VWA3B: variants seen among roughly 807,000 people sequenced by gnomAD.
The protein encoded by VWA3B is von Willebrand factor A domain-containing protein 3B.
A neutral mutation model predicts 158.3 loss-of-function variants in VWA3B; 138 were observed. That is an observed-to-expected ratio of 0.87 (90% CI 0.76 to 1.00). The LOEUF is 1.00. Among genes scored for constraint, VWA3B ranks in the 50% least tolerant of loss-of-function variants. The pLI, the probability that VWA3B is intolerant of heterozygous loss-of-function variation, is 0.00. For missense variants in VWA3B, 1,555 were observed against 1,565.1 expected, an observed-to-expected ratio of 0.99 and a Z score of 0.11; for synonymous variants, 596 against 587.3, an observed-to-expected ratio of 1.01 and a Z score of -0.21.
chr2:98,289,536 T>C (rs1689366329), intron 22 of VWA3B, among the ~76,000 whole-genome samples: 1 of 152,240 alleles, frequency 6.6e-6, no homozygotes, highest in Admixed American at 6.5e-5. Flanking sequence ...CCAGGAGATA[T>C]AAGGAATGAG....
intron 7 of VWA3B, among the ~76,000 whole-genome samples, chr2:98,157,721 T>C (rs1302430600): frequency 1.3e-5 from 2 of 152,258 alleles, no homozygotes; most frequent in Admixed American, 6.5e-5. Context: ...TCAGGCAGAC[T>C]GCAAGCTCGC....
chr2:98,114,962 AATT>A lies in VWA3B; in HGVS notation c.197-689_197-687del, dbSNP rs560117202. Among the ~76,000 whole-genome samples the A allele has an allele frequency of 1.9e-3, 284 of 152,326 alleles. 2 individuals carry two copies. The highest frequency in any genetic ancestry group is 6.6e-3 in the African/African-American group (273 of 41,560). ...TTGTAGTTCTGACATTCTGTATGGC[AATT>A]CTGAATCTGTGACCGGCTGGCTTTA... On this transcript the variant is annotated intron_variant, in intron 2 of 27. Transcript: ENST00000477737.
chr2:98,225,284 T>C (rs1660261849), intron 14 of VWA3B, among the ~76,000 whole-genome samples: 1 of 152,256 alleles, frequency 6.6e-6, no homozygotes, highest in Admixed American at 6.5e-5. Context: ...AAGAAATTTG[T>C]AATTGATTGT....
Position 98,181,656 on chromosome 2 carries a change from A to G in VWA3B, c.1311+444A>G, listed in dbSNP as rs142679981. Among the ~76,000 whole-genome samples the G allele has an allele frequency of 4.4e-3, 676 of 152,324 alleles. 4 individuals are homozygous for G. The highest frequency in any genetic ancestry group is 7.8e-3 in the Non-Finnish European group (532 of 68,032). ...CCAGCATACAGCGCAATCCCAGCAA[A>G]TAAGGAGTCAGATCCTCCAAAGGGC... On this transcript the variant is annotated intron_variant, in intron 9 of 27. Transcript: ENST00000477737.
At position 98,149,851 on chromosome 2, in the gene VWA3B, A is replaced by G. The variant is rs115109916; in HGVS notation, c.989-13000A>G. ...AATTGTTTTTGAAAGTTTTCAAAGT[A>G]CTTTGGACTGCTCTAACCTAAATTA... On this transcript the variant is annotated intron_variant, in intron 7 of 27. Transcript: ENST00000477737. Among the ~76,000 whole-genome samples, 634 of 152,340 alleles carry G rather than the reference A, an allele frequency of 4.2e-3. 8 individuals carry two copies. Among genetic ancestry groups the G allele is most frequent in the African/African-American group, 0.015 (611 of 41,568 alleles).
intron 2 of VWA3B, among the ~76,000 whole-genome samples, chr2:98,113,250 C>G (rs1302414242): frequency 1.3e-5 from 2 of 151,938 alleles, no homozygotes; most frequent in Non-Finnish European, 2.9e-5. Context: ...GTTGTAGAGA[C>G]TTTGGGTTGT....
intron 13 of VWA3B, chr2:98,216,990 C>T (rs1558686939): frequency 3.3e-6 from 4 of 1,208,952 alleles, no homozygotes; most frequent in Middle Eastern, 3.3e-4. Flanking sequence ...GCACCCGCCC[C>T]GCACCCAGTC....
chr2:98,092,167 G>C (rs1333195235), intron 1 of VWA3B, among the ~76,000 whole-genome samples: 17 of 152,186 alleles, frequency 1.1e-4, no homozygotes, highest in Non-Finnish European at 1.5e-5. Flanking sequence ...ACCGCCACCA[G>C]CTCCCAATTA....
At chr2:98,161,319 C>T (rs920016600) in intron 7 of VWA3B, among the ~76,000 whole-genome samples, 1 of 152,230 alleles carries the variant, frequency 6.6e-6, no homozygotes, top group South Asian at 2.1e-4. Context: ...CTCAATTTCC[C>T]TTGCTGCCAG....
chr2:98,092,551 C>G (rs554250323), intron 1 of VWA3B, among the ~76,000 whole-genome samples: 2 of 151,782 alleles, frequency 1.3e-5, no homozygotes, highest in African/African-American at 2.4e-5. Context: ...GCTGAGGCAG[C>G]AGAATTGCTT....
chr2:98,132,313 T>C (rs928413123), intron 6 of VWA3B, among the ~76,000 whole-genome samples: 1 of 152,208 alleles, frequency 6.6e-6, no homozygotes, highest in Non-Finnish European at 1.5e-5. Context: ...CCCCATGGCT[T>C]CTGGTTGGTC....
At chr2:98,248,257 AT>A (rs1686526704) in intron 19 of VWA3B, among the ~76,000 whole-genome samples, 1 of 152,144 alleles carries the variant, frequency 6.6e-6, no homozygotes. Flanking sequence ...CATAAATTTA[AT>A]TTATTATCAT....
rs370481831 is a variant in VWA3B at position 98,157,739 on chromosome 2, C to T, written c.989-5112C>T. On this transcript the variant is annotated intron_variant, in intron 7 of 27. Coordinates refer to ENST00000477737, the MANE Select transcript of VWA3B (RefSeq NM_144992.5). The stretch of plus-strand genomic sequence containing the variant: ...GGCAGACTGCAAGCTCGCCACCTGG[C>T]GGGACCAGTTCTTCACCGGAGAGTC... Among the ~76,000 whole-genome samples the T allele has an allele frequency of 2.2e-4, 33 of 152,330 alleles. 1 individual carries two copies. The highest frequency in any genetic ancestry group is 7.9e-4 in the African/African-American group (33 of 41,580).
intron 12 of VWA3B, among the ~76,000 whole-genome samples, chr2:98,196,315 T>G (rs1682035508): frequency 6.6e-6 from 1 of 152,192 alleles, no homozygotes; most frequent in Non-Finnish European, 1.5e-5. Flanking sequence ...GATTTGTTAA[T>G]TAGCTTGGTT....
chr2:98,258,482 G>T (rs1687289650), intron 21 of VWA3B, among the ~76,000 whole-genome samples: 1 of 151,756 alleles, frequency 6.6e-6, no homozygotes. Flanking sequence ...TCCAATCAAT[G>T]AACATAGAAT....
chr2:98,112,704 T>A (rs964452585), intron 2 of VWA3B, among the ~76,000 whole-genome samples: 2 of 152,030 alleles, frequency 1.3e-5, no homozygotes, highest in African/African-American at 4.8e-5. Flanking sequence ...ATCTTGGAAA[T>A]TTTCAACTAT....
chr2:98,293,825 T>C (rs62155288), intron 23 of VWA3B, among the ~76,000 whole-genome samples: 5,930 of 152,278 alleles, frequency 0.039, 170 homozygotes, highest in Middle Eastern at 0.075. Flanking sequence ...ATTTTGATTT[T>C]GTTAATTGTC....
intron 3 of VWA3B, 147 bp from the exon 4 acceptor site, chr2:98,119,366 G>C (rs1190234652): frequency 4.5e-6 from 4 of 880,200 alleles, no homozygotes; most frequent in Non-Finnish European, 6.7e-6. Context: ...TCTGTTGAAA[G>C]ACTGGAACCT....
At chr2:98,187,835 G>T in intron 9 of VWA3B, 140 bp from the exon 10 acceptor site, 4 of 863,200 alleles carry the variant, frequency 4.6e-6, no homozygotes, top group Non-Finnish European at 6.8e-6. Context: ...GAACATATTT[G>T]GTTGAACTAA....
Sources: allele counts gnomAD v4.1 joint callset (sites outside exome capture counted in the v4.1 genomes callset), GRCh38; gene constraint gnomAD v4.1.1; transcripts MANE v1.5; gene names NCBI Gene and HGNC (gene_info 2026-07-23, HGNC 2026-07-21).